The following ZNF133 variants were observed in gnomAD, a reference collection of about 807,000 sequenced individuals.
ZNF133 encodes the protein zinc finger protein 133 (clone pHZ-13).
In ZNF133, 26 loss-of-function variants were observed where a neutral mutation model predicts 54.9. The ratio of observed to expected loss-of-function variants is 0.47; its 90% confidence interval spans 0.35 to 0.66. The LOEUF is 0.66. ZNF133 is among the 30% of genes least tolerant of loss of function. The pLI is 0.01. For synonymous variants in ZNF133, 298 were observed against 320.3 expected (o/e 0.93, Z 0.74); for missense variants, 653 against 820.8 (o/e 0.80, Z 2.50).
At position 18,305,014 on chromosome 20, in the gene ZNF133, C is replaced by T; in HGVS notation, c.-171C>T. 1.0e-6 allele frequency: 1 copy of T among 985,354 alleles called. No individual in the cohort carries two copies. The highest frequency in any genetic ancestry group is 1.2e-6 in the Non-Finnish European group (1 of 829,944). 61.0% of individuals were successfully genotyped at this position (985,354 alleles called of 1,614,324 possible). On this transcript the variant is annotated 5_prime_UTR_variant, in exon 4 of 7. Coordinates refer to ENST00000425686, the MANE Select transcript of ZNF133 (RefSeq NM_001352452.2). This position sits in a 1 kb window ranked among gnomAD's most constrained non-coding sequence, Gnocchi z 4.7. Reference sequence around the variant, plus strand: ...TTTCTAATCTCTATTCCAGTGTGTCCTCCATTTGGAAGTAGTGCTAAGAAA... The same window carrying T: ...TTTCTAATCTCTATTCCAGTGTGTCTTCCATTTGGAAGTAGTGCTAAGAAA...
In ZNF133 at chr20:18,316,457, G is replaced by A. The variant is rs377003913; in HGVS notation, c.1606G>A (p.Gly536Ser). The change falls in exon 7 of 7, where the codon GGT (glycine) becomes AGT (serine). Residue 536 changes from glycine (G) to serine (S), a missense_variant. By Grantham distance (56) the Gly-to-Ser change is moderately conservative (BLOSUM62 0). This residue lies in a region of ZNF133 where 5 missense variants were observed against 16.7 expected (regional missense o/e 0.30). Coordinates refer to ENST00000425686, the MANE Select transcript of ZNF133 (RefSeq NM_001352452.2). Reference protein sequence around the residue: ...ECGRGFSHQAGLIRHKRKHSR... With the variant: ...ECGRGFSHQASLIRHKRKHSR... ...CGGGCGAGGCTTTAGCCACCAGGCC[G>A]GTCTCATCAGGCACAAGCGGAAGCA... The A allele has an allele frequency of 9.3e-6, 15 of 1,613,956 alleles. No individual in the cohort carries two copies. Among genetic ancestry groups the A allele is most frequent in the African/African-American group, 6.7e-5 (5 of 74,880 alleles).
At chr20:18,308,808 T>C (rs1473508492) in intron 6 of ZNF133, among the ~76,000 whole-genome samples, 1 of 152,230 alleles carries the variant, frequency 6.6e-6, no homozygotes, top group Non-Finnish European at 1.5e-5. Context: ...TGAGACTTGC[T>C]CAGGGGTTGA....
chr20:18,316,674 G>A lies in ZNF133; in HGVS notation c.1823G>A (p.Cys608Tyr). 6.2e-7 allele frequency: 1 copy of A among 1,614,172 alleles called. No individual in the cohort carries two copies. Among genetic ancestry groups the A allele is most frequent in the Non-Finnish European group, 8.5e-7 (1 of 1,180,044 alleles). ...MTHTGEKPYV[C>Y]KTCGRGFSLK... The stretch of plus-strand genomic sequence containing the variant: ...CATACGGGGGAGAAGCCATATGTGT[G>A]CAAGACGTGTGGGCGGGGCTTCAGC... Residue 608 changes from cysteine (C) to tyrosine (Y), a missense_variant, in exon 7 of 7, where the codon TGC becomes TAC. Physicochemically the swap from Cys to Tyr is radical, Grantham distance 194. Transcript: ENST00000425686.
Sources: allele counts gnomAD v4.1 joint callset (sites outside exome capture counted in the v4.1 genomes callset), GRCh38; gene constraint gnomAD v4.1.1; regional missense constraint gnomAD v4.1.1; non-coding constraint Gnocchi (gnomAD v3.1); transcripts MANE v1.5; gene names NCBI Gene and HGNC (gene_info 2026-07-23, HGNC 2026-07-21).